ANKRD44: variants seen among roughly 807,000 people sequenced by gnomAD.
The protein encoded by ANKRD44 is ankyrin repeat domain 44, also known as serine/threonine-protein phosphatase 6 regulatory ankyrin repeat subunit B.
Under a neutral mutation model 116.0 loss-of-function variants are expected in ANKRD44, and 35 were observed. The observed-to-expected ratio is 0.30, with a 90% CI of 0.23 to 0.40. ANKRD44 has a LOEUF of 0.40. Among genes scored for constraint, ANKRD44 ranks in the 10% least tolerant of loss-of-function variants. The probability of loss-of-function intolerance (pLI) is 1.00; values close to 1 mark genes in which losing one functional copy is unlikely to be tolerated. For synonymous variants in ANKRD44, 435 were observed against 461.8 expected (o/e 0.94, Z 0.74); for missense variants, 1,014 against 1,242.6 (o/e 0.82, Z 2.77).
At chr2:197,297,706 G>A (rs1429414) in intron 1 of ANKRD44, among the ~76,000 whole-genome samples, 60,050 of 151,998 alleles carry the variant, frequency 0.4, 12,006 homozygotes, top group East Asian at 0.49. Flanking sequence ...TTTGGAAATT[G>A]TTCGGTTAGA....
chr2:196,986,142 T>C (rs2075835134), downstream of ANKRD44, among the ~76,000 whole-genome samples: 1 of 152,224 alleles, frequency 6.6e-6, no homozygotes, highest in Non-Finnish European at 1.5e-5. Context: ...CTGTTTGTAT[T>C]CTTTTTCTCT....
intron 2 of ANKRD44, among the ~76,000 whole-genome samples, chr2:197,177,837 A>C (rs1451357196): frequency 6.6e-6 from 1 of 152,204 alleles, no homozygotes; most frequent in East Asian, 1.9e-4. Context: ...TATCTTGAAG[A>C]GCTTACCTTT....
intron 1 of ANKRD44, among the ~76,000 whole-genome samples, chr2:197,225,098 C>T (rs978229693): frequency 6.6e-6 from 1 of 152,102 alleles, no homozygotes; most frequent in Non-Finnish European, 1.5e-5. Flanking sequence ...TTTGGATTTA[C>T]TATGACCCAC....
At position 196,987,564 on chromosome 2, in the gene ANKRD44, A is replaced by T. The variant is rs1340231638; in HGVS notation, c.*2027T>A. The stretch of plus-strand genomic sequence containing the variant: ...TTGATGTTCTTGTTCTAATTTAATA[A>T]CAAAATGATAAACCAAGCAGTGTTT... On this transcript the variant is annotated 3_prime_UTR_variant, in exon 28 of 28. Coordinates refer to ENST00000282272, the MANE Select transcript of ANKRD44 (RefSeq NM_001195144.2). 7 of 985,346 alleles carry T rather than the reference A, an allele frequency of 7.1e-6. No individual in the cohort carries two copies. The highest frequency in any genetic ancestry group is 3.5e-5 in the African/African-American group (2 of 57,254). The allele number at this position is 985,346 out of a possible 1,614,324, so 61.0% of individuals were successfully genotyped here. A position where few individuals can be genotyped will look rare whatever the true frequency, so the allele number is the denominator to read the frequency against.
intron 8 of ANKRD44, among the ~76,000 whole-genome samples, chr2:197,112,051 G>A (rs570420845): frequency 6.6e-6 from 1 of 152,142 alleles, no homozygotes; most frequent in Non-Finnish European, 1.5e-5. Context: ...GATACCATAT[G>A]TAACTAAGAA....
chr2:197,283,449 A>G (rs2083321369), intron 1 of ANKRD44, among the ~76,000 whole-genome samples: 1 of 152,212 alleles, frequency 6.6e-6, no homozygotes, highest in East Asian at 1.9e-4. Flanking sequence ...GAATCTCCAT[A>G]TAAAGCAATT....
At chr2:196,989,856 T>C in intron 27 of ANKRD44, 1 of 1,249,358 alleles carries the variant, frequency 8.0e-7, no homozygotes, top group Non-Finnish European at 1.0e-6. Context: ...ATGATTCTGA[T>C]GTTTTTTAAA....
chr2:196,979,554 C>CATTTTT (rs2075785197), intron 21 of ANKRD44, among the ~76,000 whole-genome samples: 1 of 59,634 alleles, frequency 1.7e-5, no homozygotes, highest in African/African-American at 6.4e-5. Context: ...AATAAGATGA[C>CATTTTT]TTTTTTTTTT....
chr2:196,995,688 A>C (rs927793679), intron 25 of ANKRD44, among the ~76,000 whole-genome samples: 5 of 152,182 alleles, frequency 3.3e-5, no homozygotes, highest in Admixed American at 3.3e-4. Flanking sequence ...GTCTGATCTA[A>C]AATATTAATA....
At chr2:197,164,669 A>G (rs1045578318) in intron 2 of ANKRD44, among the ~76,000 whole-genome samples, 1 of 151,636 alleles carries the variant, frequency 6.6e-6, no homozygotes, top group African/African-American at 2.4e-5. Flanking sequence ...CCTGCCCCGG[A>G]CGTCCGCTTT....
chr2:197,300,337 C>T (rs1489380366), intron 1 of ANKRD44, among the ~76,000 whole-genome samples: 6 of 152,192 alleles, frequency 3.9e-5, no homozygotes, highest in Non-Finnish European at 8.8e-5. Flanking sequence ...GGACACAACA[C>T]GTCACTCACC....
At chr2:197,164,257 G>C (rs774435296) in intron 2 of ANKRD44, among the ~76,000 whole-genome samples, 32 of 152,136 alleles carry the variant, frequency 2.1e-4, no homozygotes, top group Non-Finnish European at 4.1e-4. Flanking sequence ...CTCTGACACC[G>C]CCGGCTGCGT....
At position 197,086,741 on chromosome 2, in the gene ANKRD44, C is replaced by G; in HGVS notation, c.1255G>C (p.Glu419Gln). The change falls in exon 13 of 28, where the codon GAA becomes CAA. Residue 419 changes from glutamate (E) to glutamine (Q), a missense_variant. Physicochemically the swap from Glu to Gln is conservative, Grantham distance 29. Coordinates refer to ENST00000282272, the MANE Select transcript of ANKRD44 (RefSeq NM_001195144.2). ...CTGCTCTGCAAGAGTTTTATACATT[C>G]CACATTACTAGAAAGACAGGGAAAA... is the stretch of plus-strand genomic sequence containing the variant. ...LHAAAAGGNV[E>Q]CIKLLQSSGA... The G allele has an allele frequency of 6.2e-7, 1 of 1,613,684 alleles. No individual in the cohort carries two copies. Among genetic ancestry groups the G allele is most frequent in the Non-Finnish European group, 8.5e-7 (1 of 1,179,768 alleles).
downstream of ANKRD44, among the ~76,000 whole-genome samples, chr2:196,983,565 TATAA>T (rs1021206982): frequency 2.0e-5 from 3 of 152,178 alleles, no homozygotes; most frequent in African/African-American, 4.8e-5. Context: ...CTATAAAAAA[TATAA>T]ATAAAGTTCA....
chr2:197,222,378 T>C (rs911374488), intron 1 of ANKRD44, among the ~76,000 whole-genome samples: 75 of 152,162 alleles, frequency 4.9e-4, no homozygotes, highest in Admixed American at 4.9e-3. Flanking sequence ...GAACTAAATA[T>C]TCTCTTTAAA....
rs138435846 is a variant in ANKRD44 at position 197,083,217 on chromosome 2, C to T, written c.1457+152G>A. Reference sequence around the variant, plus strand: ...ATAATCAAACATAAATTGACCAGAACAGGAAAGCCCAGGTTTGGAATTAAG... The same window carrying T: ...ATAATCAAACATAAATTGACCAGAATAGGAAAGCCCAGGTTTGGAATTAAG... On this transcript the variant is annotated intron_variant, in intron 14 of 27. Coordinates refer to ENST00000282272, the MANE Select transcript of ANKRD44 (RefSeq NM_001195144.2). 5.4e-4 allele frequency: 515 copies of T among 955,824 alleles called. 10 individuals carry two copies. The East Asian group carries it at 9.3e-3, about 17-fold the overall frequency. The allele number at this position is 955,824 out of a possible 1,614,324, so 59.2% of individuals were successfully genotyped here. A position where few individuals can be genotyped will look rare whatever the true frequency, so the allele number is the denominator to read the frequency against.
At chr2:197,058,886 T>TA (rs2125044359) in intron 16 of ANKRD44, among the ~76,000 whole-genome samples, 2 of 152,350 alleles carry the variant, frequency 1.3e-5, no homozygotes, top group African/African-American at 4.8e-5. Context: ...TGATGGGTGT[T>TA]ACATCTGATC....
At chr2:197,071,698 C>T (rs1403388918) in intron 16 of ANKRD44, among the ~76,000 whole-genome samples, 2 of 152,096 alleles carry the variant, frequency 1.3e-5, no homozygotes, top group African/African-American at 4.8e-5. Context: ...TATTGTTGAT[C>T]AGATCCTCTT....
Position 197,207,779 on chromosome 2 carries a change from C to T in ANKRD44, c.28-20673G>A, listed in dbSNP as rs2081240271. ...TTATAGAAAAAAGGAAATCATGCCCCATATGGGTTGAATAATCCCAACCTT... is the reference window on the plus strand; with the variant it reads ...TTATAGAAAAAAGGAAATCATGCCCTATATGGGTTGAATAATCCCAACCTT... On this transcript the variant is annotated intron_variant, in intron 1 of 27. Transcript: ENST00000282272. Among the ~76,000 whole-genome samples the T allele has an allele frequency of 2.0e-5, 3 of 152,202 alleles. No homozygotes were observed. The South Asian group carries it at 6.2e-4, about 32-fold the overall frequency.
Sources: allele counts gnomAD v4.1 joint callset (sites outside exome capture counted in the v4.1 genomes callset), GRCh38; gene constraint gnomAD v4.1.1; transcripts MANE v1.5; gene names NCBI Gene and HGNC (gene_info 2026-07-23, HGNC 2026-07-21).